ABCC12: variants seen among roughly 807,000 people sequenced by gnomAD.
ABCC12 encodes ATP binding cassette subfamily C member 12.
ABCC12 carries 142 observed loss-of-function variants against 151.1 expected under a neutral mutation model. The ratio of observed to expected loss-of-function variants is 0.94; its 90% CI spans 0.82 to 1.08. ABCC12 has a LOEUF of 1.08. ABCC12 is among the 50% of genes least tolerant of loss of function. The pLI is 0.00. For synonymous variants in ABCC12, 645 were observed against 646.4 expected (o/e 1.00, Z 0.03); for missense variants, 1,638 against 1,691.1 (o/e 0.97, Z 0.55).
rs369953644 is a variant in ABCC12, at chr16:48,096,700, C to T, written c.3195+46G>A. 117 of 1,599,356 alleles carry T rather than the reference C, an allele frequency of 7.3e-5. No homozygotes were observed. In the African/African-American group the frequency reaches 1.5e-3, roughly 21 times the overall value. ...CAAAAGCACCCTCGCTGATGTATTA[C>T]AGGCCGGAGCCTCCAGACTAAGCCC... On this transcript the variant is annotated intron_variant, in intron 24 of 30. Transcript: ENST00000311303.
Position 48,144,035 on chromosome 16 carries a change from C to A in ABCC12, c.150G>T (p.Gly50=), listed in dbSNP as rs765721158. 1 of 1,613,976 alleles carries A rather than the reference C, an allele frequency of 6.2e-7. No homozygotes were observed. The highest frequency in any genetic ancestry group is 8.5e-7 in the Non-Finnish European group (1 of 1,179,984). ...RLAPNPVDDA[G]LLSFATFSWL... is the part of the protein sequence containing the mutation. Reference sequence around the variant, plus strand: ...AGGAAAATGTGGCGAAGGAGAGTAGCCCGGCATCATCCACCGGGTTGGGTG... The same window carrying A: ...AGGAAAATGTGGCGAAGGAGAGTAGACCGGCATCATCCACCGGGTTGGGTG... The change falls in exon 4 of 31, where the codon GGG becomes GGT. Residue 50 remains glycine (G), a synonymous_variant. Coordinates refer to ENST00000311303, the MANE Select transcript of ABCC12 (RefSeq NM_001393797.1).
In ABCC12 at chr16:48,128,711, T is replaced by TG; in HGVS notation, c.1262dup (p.Ser422IlefsTer25). On this transcript the variant is annotated frameshift_variant, in exon 11 of 31. Coordinates refer to ENST00000311303, the MANE Select transcript of ABCC12 (RefSeq NM_001393797.1). LOFTEE classifies it high-confidence loss of function. ...GGTCTTCTGGTTGGGTGATGTAAGA[T>TG]GGGGGGCTTTTATCTATGAGAATTT... The TG allele has an allele frequency of 1.2e-6, 2 of 1,613,648 alleles. No homozygotes were observed. The highest frequency in any genetic ancestry group is 1.7e-6 in the Non-Finnish European group (2 of 1,179,922).
At chr16:48,115,284 T>G in intron 15 of ABCC12, 131 bp downstream of exon 15, 1 of 1,087,204 alleles carries the variant, frequency 9.2e-7, no homozygotes, top group Non-Finnish European at 1.3e-6. Context: ...GAGTGTCTCT[T>G]GCATCCCTGG....
At chr16:48,142,932 A>G (rs1964868328) in intron 4 of ABCC12, among the ~76,000 whole-genome samples, 2 of 152,220 alleles carry the variant, frequency 1.3e-5, no homozygotes, top group Admixed American at 1.3e-4. Context: ...ACAGAGCCAC[A>G]GTGAGATTTT....
At chr16:48,115,203 T>C (rs533259022) in intron 15 of ABCC12, among the ~76,000 whole-genome samples, 1 of 152,296 alleles carries the variant, frequency 6.6e-6, no homozygotes, top group African/African-American at 2.4e-5. Flanking sequence ...GGAAAAGTCT[T>C]GGCCCCACTG....
In ABCC12 at chr16:48,146,382, G is replaced by T. The variant is rs561243035; in HGVS notation, c.43C>A (p.Arg15=). 6.2e-7 allele frequency: 1 copy of T among 1,614,026 alleles called. No homozygotes were observed. The highest frequency in any genetic ancestry group is 1.3e-5 in the African/African-American group (1 of 74,910). The stretch of plus-strand genomic sequence containing the variant: ...TCTGCAAAGGATCTCCGCCGGCCTC[G>T]CTGGTCCAGATCTGAGATAAGGTAG... The part of the protein sequence containing the change: ...GPYLISDLDQ[R]GRRRSFAERY... The change falls in exon 3 of 31, where the codon CGA becomes AGA. Residue 15 remains arginine (R), a synonymous_variant. Coordinates refer to ENST00000311303, the MANE Select transcript of ABCC12 (RefSeq NM_001393797.1).
In ABCC12 at chr16:48,104,121, G is replaced by T. The variant is rs779292588; in HGVS notation, c.2900+21C>A. On this transcript the variant is annotated intron_variant, in intron 22 of 30. Coordinates refer to ENST00000311303, the MANE Select transcript of ABCC12 (RefSeq NM_001393797.1). The stretch of plus-strand genomic sequence containing the variant: ...GTGTGTGTGTGTATCGTTTTCTCGT[G>T]TAAATAGCACATGGGCCTACCGTAA... 3 of 1,609,088 alleles carry T rather than the reference G, an allele frequency of 1.9e-6. No homozygotes were observed. The Admixed American group carries it at 5.0e-5, about 27-fold the overall frequency.
intron 28 of ABCC12, 192 bp downstream of exon 28, chr16:48,086,549 C>T: frequency 1.7e-6 from 1 of 573,152 alleles, no homozygotes; most frequent in East Asian, 2.9e-5. Context: ...TTGACTGGAT[C>T]ATTGTAGAGC....
rs2150575039 is a variant in ABCC12 at position 48,083,101 on chromosome 16, T to A, written c.*614A>T. On this transcript the variant is annotated 3_prime_UTR_variant, in exon 31 of 31. Coordinates refer to ENST00000311303, the MANE Select transcript of ABCC12 (RefSeq NM_001393797.1). ...GACGAATAAAGAAGATATAAAAGTG[T>A]CATTTATAGAGAAACTCCAGCATTT... 1 of 152,344 alleles carries A rather than the reference T, an allele frequency of 6.6e-6. No homozygotes were observed. Among genetic ancestry groups the A allele is most frequent in the African/African-American group, 2.4e-5 (1 of 41,578 alleles). The allele number at this position is 152,344 out of a possible 1,614,324, so 9.4% of individuals were successfully genotyped here.
At position 48,083,616 on chromosome 16, in the gene ABCC12, A is replaced by C. The variant is rs1962443046; in HGVS notation, c.*99T>G. ...ACTCCGTGGATGGGAGGGGCTGAAGACCAGGGCTGCCTGCGGAGAGGACAG... is the reference window on the plus strand; with the variant it reads ...ACTCCGTGGATGGGAGGGGCTGAAGCCCAGGGCTGCCTGCGGAGAGGACAG... On this transcript the variant is annotated 3_prime_UTR_variant, in exon 31 of 31. Coordinates refer to ENST00000311303, the MANE Select transcript of ABCC12 (RefSeq NM_001393797.1). 4 of 1,244,888 alleles carry C rather than the reference A, an allele frequency of 3.2e-6. No homozygotes were observed. Among genetic ancestry groups the C allele is most frequent in the Non-Finnish European group, 4.6e-6 (4 of 875,076 alleles). The allele number at this position is 1,244,888 out of a possible 1,614,324, so 77.1% of individuals were successfully genotyped here.
At chr16:48,108,208 A>C (rs2150612054) in intron 19 of ABCC12, among the ~76,000 whole-genome samples, 1 of 152,252 alleles carries the variant, frequency 6.6e-6, no homozygotes, top group South Asian at 2.1e-4. Context: ...TGCTCACTCC[A>C]CTCCAATAAA....
At chr16:48,151,373 A>G (rs1328143359) in intron 2 of ABCC12, among the ~76,000 whole-genome samples, 1 of 152,250 alleles carries the variant, frequency 6.6e-6, no homozygotes, top group Non-Finnish European at 1.5e-5. Flanking sequence ...AGCCTGAGAC[A>G]GTGACACAGC....
chr16:48,149,649 A>G (rs984231886), intron 2 of ABCC12, among the ~76,000 whole-genome samples: 1 of 152,174 alleles, frequency 6.6e-6, no homozygotes, highest in Non-Finnish European at 1.5e-5. Flanking sequence ...CACTGAAATT[A>G]CAGAAGACAT....
chr16:48,100,830 T>TG (rs201133874), intron 23 of ABCC12, 42 bp downstream of exon 23: 39,800 of 1,603,366 alleles, frequency 0.025, 613 homozygotes, highest in Non-Finnish European at 0.031. Context: ...GAGTCAGGCA[T>TG]GAAGCATGGG....
rs1010458413 is a variant in ABCC12, at chr16:48,083,041, C to T, written c.*674G>A. On this transcript the variant is annotated 3_prime_UTR_variant, in exon 31 of 31. Coordinates refer to ENST00000311303, the MANE Select transcript of ABCC12 (RefSeq NM_001393797.1). ...TATCTTCAGTGAAATAATTGCAAGG[C>T]GACATTTCAGGGTAATTTCCTACCG... 1.3e-5 allele frequency: 2 copies of T among 152,172 alleles called. No individual in the cohort carries two copies. The highest frequency in any genetic ancestry group is 1.9e-4 in the East Asian group (1 of 5,180). 9.4% of individuals were successfully genotyped at this position (152,172 alleles called of 1,614,324 possible).
At chr16:48,146,188 G>A (rs982139300) in intron 3 of ABCC12, 118 bp downstream of exon 3, 6 of 877,002 alleles carry the variant, frequency 6.8e-6, no homozygotes, top group Admixed American at 3.9e-5. Context: ...ATGGGTGGAC[G>A]GACAAAAGGA....
chr16:48,088,988 AG>A (rs1294081482), intron 25 of ABCC12, among the ~76,000 whole-genome samples: 2 of 152,218 alleles, frequency 1.3e-5, no homozygotes, highest in African/African-American at 2.4e-5. Flanking sequence ...GTGTTGGGAA[AG>A]GGGGGTAGGA....
rs1964804950 is a variant in ABCC12, at chr16:48,141,305, C to T, written c.324G>A (p.Lys108=). 6.2e-7 allele frequency: 1 copy of T among 1,614,220 alleles called. No homozygotes were observed. The part of the protein sequence containing the change: ...DEEVARVGPE[K]ASLSHVVWKF... Reference sequence around the variant, plus strand: ...TCCACACCACGTGGCTCAGAGAGGCCTTCTCAGGACCCACCCTTGCTACCT... The same window carrying T: ...TCCACACCACGTGGCTCAGAGAGGCTTTCTCAGGACCCACCCTTGCTACCT... The change falls in exon 5 of 31, where the codon AAG becomes AAA. Residue 108 remains lysine, a synonymous_variant. Transcript: ENST00000311303.
chr16:48,142,368 T>C (rs1212390406), intron 4 of ABCC12, among the ~76,000 whole-genome samples: 3 of 152,104 alleles, frequency 2.0e-5, no homozygotes, highest in Non-Finnish European at 4.4e-5. Flanking sequence ...GTTTAAGCCT[T>C]TGGATTGGAG....
Sources: allele counts gnomAD v4.1 joint callset (sites outside exome capture counted in the v4.1 genomes callset), GRCh38; gene constraint gnomAD v4.1.1; transcripts MANE v1.5; gene names NCBI Gene and HGNC (gene_info 2026-07-23, HGNC 2026-07-21).